The following LRMDA variants were observed in gnomAD, a reference collection of about 807,000 sequenced individuals.
The protein encoded by LRMDA is leucine-rich melanocyte differentiation-associated protein.
LRMDA carries 18 observed loss-of-function variants against 29.8 expected under a neutral mutation model. The ratio of observed to expected loss-of-function variants is 0.60; its 90% CI spans 0.42 to 0.90. The LOEUF (loss-of-function observed/expected upper bound fraction) is 0.90, where lower values mean the gene tolerates loss of function less well. LRMDA is among the 40% of genes least tolerant of loss of function. LRMDA has a pLI of 0.00. For missense variants in LRMDA, 273 were observed against 273.9 expected, an observed-to-expected ratio of 1.00 and a Z score of 0.02; for synonymous variants, 125 against 109.4, an observed-to-expected ratio of 1.14 and a Z score of -0.89.
intron 2 of LRMDA, among the ~76,000 whole-genome samples, chr10:75,845,259 C>T (rs1014655554): frequency 2.6e-5 from 4 of 151,714 alleles, no homozygotes; most frequent in Admixed American, 6.6e-5. Context: ...GGCTGTTGCA[C>T]AAATTCAACA....
At chr10:75,765,088 G>C (rs780710339) in intron 2 of LRMDA, among the ~76,000 whole-genome samples, 16 of 152,128 alleles carry the variant, frequency 1.1e-4, no homozygotes, top group Non-Finnish European at 2.1e-4. Context: ...CAGGCACTTA[G>C]ATGCTGACTT....
chr10:75,596,416 G>A (rs1327407835), intron 2 of LRMDA, among the ~76,000 whole-genome samples: 1 of 152,170 alleles, frequency 6.6e-6, no homozygotes, highest in Non-Finnish European at 1.5e-5. Flanking sequence ...CAGTCACTTT[G>A]CCCTCATCCT....
In LRMDA at chr10:76,226,174, TG is replaced by T. The variant is rs201035146; in HGVS notation, c.517-98223del. On this transcript the variant is annotated intron_variant, in intron 5 of 6. Transcript: ENST00000611255. ...TAATTGACTCACAGTTCCAGAAGGC[TG>T]GGGAGACCTCAGGAAACTTACAGTC... Among the ~76,000 whole-genome samples the T allele has an allele frequency of 4.7e-4, 72 of 152,206 alleles. No homozygotes were observed. In the East Asian group the frequency reaches 0.012, roughly 26 times the overall value.
chr10:76,048,192 G>A (rs931132218), intron 4 of LRMDA, among the ~76,000 whole-genome samples: 3 of 152,036 alleles, frequency 2.0e-5, no homozygotes, highest in Non-Finnish European at 2.9e-5. Context: ...ATGTATATAT[G>A]CATATATACA....
At chr10:75,566,391 G>A (rs1360372074) in intron 2 of LRMDA, among the ~76,000 whole-genome samples, 1 of 152,172 alleles carries the variant, frequency 6.6e-6, no homozygotes, top group African/African-American at 2.4e-5. Flanking sequence ...GAACTTGTTA[G>A]AAATGCTGAA....
chr10:76,064,536 T>C (rs1848753480), intron 5 of LRMDA, among the ~76,000 whole-genome samples: 1 of 152,248 alleles, frequency 6.6e-6, no homozygotes, highest in South Asian at 2.1e-4. Context: ...ACCTAGTTGC[T>C]TCTTTGCTAC....
At chr10:76,386,584 T>C (rs1247428813) in intron 6 of LRMDA, among the ~76,000 whole-genome samples, 1 of 152,196 alleles carries the variant, frequency 6.6e-6, no homozygotes, top group Non-Finnish European at 1.5e-5. Flanking sequence ...ACCTACAAGA[T>C]AACAGGATTG....
At chr10:76,272,016 C>A (rs1041846916) in intron 5 of LRMDA, among the ~76,000 whole-genome samples, 4 of 152,194 alleles carry the variant, frequency 2.6e-5, no homozygotes, top group African/African-American at 9.6e-5. Context: ...GTATGGGCTA[C>A]ATCCCTCTCC....
intron 2 of LRMDA, among the ~76,000 whole-genome samples, chr10:75,560,354 G>C (rs1840275286): frequency 6.6e-6 from 1 of 151,606 alleles, no homozygotes; most frequent in Non-Finnish European, 1.5e-5. Flanking sequence ...TGGTGTATAA[G>C]AATGCTTGTG....
At chr10:76,211,683 A>C (rs1257460164) in intron 5 of LRMDA, among the ~76,000 whole-genome samples, 4 of 152,330 alleles carry the variant, frequency 2.6e-5, no homozygotes, top group Non-Finnish European at 4.4e-5. Flanking sequence ...AGTTGTTGGG[A>C]GTGTCTTTTT....
intron 2 of LRMDA, among the ~76,000 whole-genome samples, chr10:75,707,600 G>A (rs1251387914): frequency 7.3e-4 from 111 of 152,322 alleles, no homozygotes; most frequent in Non-Finnish European, 1.3e-3. Flanking sequence ...CCTGGGCCTG[G>A]TCTGCAGTGT....
chr10:76,190,018 C>T (rs1284457024), intron 5 of LRMDA, among the ~76,000 whole-genome samples: 2 of 152,162 alleles, frequency 1.3e-5, no homozygotes, highest in Non-Finnish European at 2.9e-5. Flanking sequence ...TACTGTGGGA[C>T]TTGTTTCTTG....
intron 6 of LRMDA, among the ~76,000 whole-genome samples, chr10:76,412,588 A>G (rs1223022326): frequency 1.3e-5 from 2 of 152,178 alleles, no homozygotes; most frequent in African/African-American, 4.8e-5. Flanking sequence ...AGGAATATAG[A>G]TAAGTGTCCT....
intron 2 of LRMDA, among the ~76,000 whole-genome samples, chr10:75,789,952 T>A (rs151100378): frequency 7.6e-4 from 115 of 151,990 alleles, no homozygotes; most frequent in African/African-American, 2.7e-3. Flanking sequence ...TTTGGGAAAA[T>A]GGCAGCAGGC....
intron 2 of LRMDA, among the ~76,000 whole-genome samples, chr10:75,838,321 G>T (rs537988844): frequency 7.9e-5 from 12 of 152,250 alleles, no homozygotes; most frequent in African/African-American, 2.6e-4. Context: ...AATGTATTGT[G>T]TATCGTCTTA....
intron 6 of LRMDA, among the ~76,000 whole-genome samples, chr10:76,485,482 A>G (rs1369066254): frequency 2.6e-5 from 4 of 151,898 alleles, no homozygotes; most frequent in Admixed American, 1.3e-4. Flanking sequence ...TTATTCATAT[A>G]GTGTTATCAC....
At chr10:75,876,147 G>C (rs1845194566) in intron 2 of LRMDA, among the ~76,000 whole-genome samples, 1 of 152,230 alleles carries the variant, frequency 6.6e-6, no homozygotes, top group Non-Finnish European at 1.5e-5. Context: ...GATTGGACCT[G>C]GTAGCAGGAC....
chr10:76,021,788 TC>T (rs958401442), intron 2 of LRMDA, among the ~76,000 whole-genome samples: 194 of 152,312 alleles, frequency 1.3e-3, no homozygotes, highest in African/African-American at 4.4e-3. Context: ...AACTTTATAT[TC>T]TCCAATAGTG....
chr10:75,758,316 A>C (rs537444566), intron 2 of LRMDA, among the ~76,000 whole-genome samples: 1 of 152,296 alleles, frequency 6.6e-6, no homozygotes, highest in Non-Finnish European at 1.5e-5. Flanking sequence ...TCGGAAACTA[A>C]GTTCTCACGT....
Sources: gnomAD v4.1 joint callset for allele counts (sites outside exome capture counted in the v4.1 genomes callset) on GRCh38, gnomAD v4.1.1 for gene constraint, MANE v1.5 for transcripts, NCBI Gene and HGNC (gene_info 2026-07-23, HGNC 2026-07-21) for gene names.